Variants in SHC3 observed in about 807,000 individuals in gnomAD.
The protein encoded by SHC3 is SHC-transforming protein 3.
Under a neutral mutation model 60.4 loss-of-function variants are expected in SHC3, and 15 were observed. The observed-to-expected ratio is 0.25, with a 90% CI of 0.17 to 0.38. The LOEUF is 0.38. Among genes scored for constraint, SHC3 ranks in the 10% least tolerant of loss-of-function variants. SHC3 has a pLI of 1.00. For missense variants in SHC3, 677 were observed against 786.1 expected, an observed-to-expected ratio of 0.86 and a Z score of 1.66; for synonymous variants, 294 against 325.9, an observed-to-expected ratio of 0.90 and a Z score of 1.05.
intron 2 of SHC3, among the ~76,000 whole-genome samples, chr9:89,085,792 C>T (rs1298818381): frequency 1.3e-5 from 2 of 152,194 alleles, no homozygotes; most frequent in African/African-American, 2.4e-5. Flanking sequence ...GGCTCATCAA[C>T]CCTCAAGGCA....
At chr9:89,123,097 A>G (rs1826115328) in intron 1 of SHC3, among the ~76,000 whole-genome samples, 2 of 152,126 alleles carry the variant, frequency 1.3e-5, no homozygotes, top group Admixed American at 6.5e-5. Context: ...GCTTTTCCCT[A>G]TTGCACATGC....
chr9:89,132,762 G>C (rs568558544), intron 1 of SHC3, among the ~76,000 whole-genome samples: 60 of 152,310 alleles, frequency 3.9e-4, no homozygotes, highest in African/African-American at 1.2e-3. Flanking sequence ...ATTAATTCAA[G>C]ATGGATTAAA....
At chr9:89,137,401 TA>T (rs1375690004) in intron 1 of SHC3, among the ~76,000 whole-genome samples, 10 of 152,136 alleles carry the variant, frequency 6.6e-5, no homozygotes, top group South Asian at 2.1e-4. Context: ...CACCTCCAGT[TA>T]ACTGCAATAA....
intron 1 of SHC3, among the ~76,000 whole-genome samples, chr9:89,153,590 G>A (rs1180154195): frequency 6.6e-6 from 1 of 152,160 alleles, no homozygotes; most frequent in Admixed American, 6.5e-5. Flanking sequence ...CCCTCATTTG[G>A]GCCAGGGAGG....
chr9:89,036,505 C>T (rs1265497955), intron 11 of SHC3, among the ~76,000 whole-genome samples: 1 of 152,136 alleles, frequency 6.6e-6, no homozygotes, highest in African/African-American at 2.4e-5. Flanking sequence ...CCAGAGATAC[C>T]GTCCCCGGGT....
rs377410644 is a variant in SHC3, at chr9:89,014,240, G to A, written c.1657-665C>T. ...CCTGCCCATAAACTTTTAATGCCAT[G>A]TCAGGGGAGAGGAGGTTGAACACTC... On this transcript the variant is annotated intron_variant, in intron 11 of 11. Coordinates refer to ENST00000375835, the MANE Select transcript of SHC3 (RefSeq NM_016848.6). Among the ~76,000 whole-genome samples, 16 of 152,296 alleles carry A rather than the reference G, an allele frequency of 1.1e-4. No individual in the cohort carries two copies. The East Asian group carries it at 3.1e-3, about 29-fold the overall frequency.
intron 2 of SHC3, among the ~76,000 whole-genome samples, chr9:89,079,894 T>C (rs1825418411): frequency 6.6e-6 from 1 of 152,204 alleles, no homozygotes; most frequent in Non-Finnish European, 1.5e-5. Context: ...AAACTGCTTT[T>C]TAGAAAAATG....
intron 1 of SHC3, among the ~76,000 whole-genome samples, chr9:89,129,513 T>C (rs1325305572): frequency 6.6e-6 from 1 of 152,106 alleles, no homozygotes; most frequent in Non-Finnish European, 1.5e-5. Context: ...GAGAGAAAGG[T>C]CGGGTTACCC....
At chr9:89,160,407 T>C (rs1294803069) in intron 1 of SHC3, among the ~76,000 whole-genome samples, 2 of 152,164 alleles carry the variant, frequency 1.3e-5, no homozygotes, top group Non-Finnish European at 2.9e-5. Flanking sequence ...AATTAACACC[T>C]TTTTAGAACA....
chr9:89,174,947 A>G (rs1587771861), intron 1 of SHC3, among the ~76,000 whole-genome samples: 2 of 152,260 alleles, frequency 1.3e-5, no homozygotes, highest in East Asian at 3.8e-4. Flanking sequence ...TGAACCTGCT[A>G]AAGACCAGCA....
intron 2 of SHC3, among the ~76,000 whole-genome samples, chr9:89,085,830 G>T (rs933246107): frequency 2.6e-5 from 4 of 152,082 alleles, no homozygotes; most frequent in Non-Finnish European, 4.4e-5. Context: ...CTTTCCAAAC[G>T]CCTCCTCATC....
chr9:89,121,450 T>C (rs1290638176), intron 1 of SHC3, among the ~76,000 whole-genome samples: 1 of 152,096 alleles, frequency 6.6e-6, no homozygotes, highest in African/African-American at 2.4e-5. Flanking sequence ...ACCACCACGC[T>C]CGGCTAATTT....
intron 11 of SHC3, among the ~76,000 whole-genome samples, chr9:89,035,141 G>T (rs959030979): frequency 6.6e-6 from 1 of 152,146 alleles, no homozygotes. Context: ...CAACCTCCAC[G>T]ATTGCGATGG....
chr9:89,164,698 T>A (rs28634805), intron 1 of SHC3, among the ~76,000 whole-genome samples: 11,087 of 152,222 alleles, frequency 0.073, 532 homozygotes, highest in Middle Eastern at 0.14. Flanking sequence ...TGCATATTTA[T>A]CTTACTAGAT....
intron 3 of SHC3, among the ~76,000 whole-genome samples, chr9:89,075,637 A>G (rs1463833714): frequency 6.6e-6 from 1 of 152,200 alleles, no homozygotes; most frequent in African/African-American, 2.4e-5. Context: ...ACTAACTTAG[A>G]GGAAGACTAA....
intron 6 of SHC3, among the ~76,000 whole-genome samples, chr9:89,056,817 T>C (rs1485839277): frequency 6.6e-6 from 1 of 152,268 alleles, no homozygotes; most frequent in African/African-American, 2.4e-5. Context: ...GTTTGCACAC[T>C]TCTGGCATAG....
intron 2 of SHC3, among the ~76,000 whole-genome samples, chr9:89,082,565 C>T (rs1165721370): frequency 5.9e-5 from 9 of 152,220 alleles, no homozygotes; most frequent in Admixed American, 3.3e-4. Flanking sequence ...GGAACCATCG[C>T]CCCTCCTCCA....
chr9:89,022,296 G>A (rs1480063076), intron 11 of SHC3, among the ~76,000 whole-genome samples: 2 of 152,136 alleles, frequency 1.3e-5, no homozygotes, highest in Middle Eastern at 3.4e-3. Flanking sequence ...TTGGGGGAGG[G>A]GGGAAATTCC....
rs139044694 is a variant in SHC3, at chr9:89,052,879, G to A, written c.836-716C>T. Among the ~76,000 whole-genome samples the A allele has an allele frequency of 1.6e-3, 250 of 152,314 alleles. 2 individuals are homozygous for A. Among genetic ancestry groups the A allele is most frequent in the African/African-American group, 5.3e-3 (219 of 41,570 alleles). On this transcript the variant is annotated intron_variant, in intron 6 of 11. Coordinates refer to ENST00000375835, the MANE Select transcript of SHC3 (RefSeq NM_016848.6). The stretch of plus-strand genomic sequence containing the variant: ...CGGTAGGCCAAAATGAGGCCTGGTG[G>A]TAAGGCCTGGAGCAGTCCTTATGCT...
Sources: allele counts gnomAD v4.1 joint callset (sites outside exome capture counted in the v4.1 genomes callset), GRCh38; gene constraint gnomAD v4.1.1; transcripts MANE v1.5; gene names NCBI Gene and HGNC (gene_info 2026-07-23, HGNC 2026-07-21).